SOX5: variants seen among roughly 807,000 people sequenced by gnomAD.
SOX5 encodes SRY-box transcription factor 5.
Under a neutral mutation model 92.0 loss-of-function variants are expected in SOX5, and 9 were observed. The ratio of observed to expected loss-of-function variants is 0.10; its 90% CI spans 0.06 to 0.17. The LOEUF (loss-of-function observed/expected upper bound fraction) is 0.17. Ranked by LOEUF, SOX5 falls within the 10% of genes least tolerant of loss-of-function variation. The pLI is 1.00. For missense variants in SOX5, 642 were observed against 944.5 expected, an observed-to-expected ratio of 0.68 and a Z score of 4.20; for synonymous variants, 344 against 336.3, an observed-to-expected ratio of 1.02 and a Z score of -0.25.
chr12:24,335,175 C>G (rs1951750989), intron 2 of SOX5, among the ~76,000 whole-genome samples: 1 of 152,136 alleles, frequency 6.6e-6, no homozygotes, highest in Non-Finnish European at 1.5e-5. Flanking sequence ...ACCAATTTCT[C>G]TTTCACCTCT....
At chr12:23,577,150 T>TAC (rs1197912028) in intron 9 of SOX5, among the ~76,000 whole-genome samples, 2,781 of 117,072 alleles carry the variant, frequency 0.024, 51 homozygotes, top group Non-Finnish European at 0.028. Context: ...TATATATATA[T>TAC]ACACACACAC....
At chr12:24,068,412 T>A (rs1941146241) in intron 4 of SOX5, among the ~76,000 whole-genome samples, 1 of 151,978 alleles carries the variant, frequency 6.6e-6, no homozygotes, top group Admixed American at 6.6e-5. Context: ...AAAAAAAGAA[T>A]TTTAGGAAAG....
Position 23,563,378 on chromosome 12 carries a change from G to A in SOX5, c.1368C>T (p.Val456=), listed in dbSNP as rs1420491393. 1 of 1,614,000 alleles carries A rather than the reference G, an allele frequency of 6.2e-7. No homozygotes were observed. The highest frequency in any genetic ancestry group is 1.3e-5 in the African/African-American group (1 of 75,036). Residue 456 remains valine, a synonymous_variant, in exon 11 of 15, where the codon GTC becomes GTT. Coordinates refer to ENST00000451604, the MANE Select transcript of SOX5 (RefSeq NM_006940.6). ...GCCGAGCTTCTTGGATTGCCTTGGT[G>A]ACAGCATCATGGTCATTTAAGTAAC... is the stretch of plus-strand genomic sequence containing the variant. ...TIGYLNDHDA[V]TKAIQEARQM...
chr12:24,518,337 G>T (rs1461932347), intron 1 of SOX5, among the ~76,000 whole-genome samples: 1 of 151,994 alleles, frequency 6.6e-6, no homozygotes, highest in Non-Finnish European at 1.5e-5. Context: ...CCAAAGTGCT[G>T]GGACTACACG....
At chr12:23,559,856 A>C (rs754792145) in intron 11 of SOX5, among the ~76,000 whole-genome samples, 1 of 151,542 alleles carries the variant, frequency 6.6e-6, no homozygotes, top group Non-Finnish European at 1.5e-5. Flanking sequence ...TTTCTGCTTT[A>C]TCTCTCTCAC....
In SOX5 at chr12:24,245,235, T is replaced by TTGTGTGTGTG. The variant is rs58384963; in HGVS notation, c.-76-31828_-76-31819dup. On this transcript the variant is annotated intron_variant, in intron 3 of 4. Coordinates refer to the SOX5 transcript ENST00000446891. Reference sequence around the variant, plus strand: ...GAGCATCATTTGTGTTTGGAGAGATTTGTGTGTGTGTGTGTGTGTGTGTGT... The same window carrying TTGTGTGTGTG: ...GAGCATCATTTGTGTTTGGAGAGATTTGTGTGTGTGTGTGTGTGTGTGTGTGTGTGTGTGT... Among the ~76,000 whole-genome samples, 277 of 144,362 alleles carry TTGTGTGTGTG rather than the reference T, an allele frequency of 1.9e-3. 1 individual carries two copies. Among genetic ancestry groups the TTGTGTGTGTG allele is most frequent in the African/African-American group, 5.8e-3 (224 of 38,296 alleles). 94.7% of individuals were successfully genotyped at this position (144,362 alleles called of 152,430 possible). A position where few individuals can be genotyped will look rare whatever the true frequency, so the allele number is the denominator to read the frequency against.
chr12:24,296,971 G>T (rs1366942522), intron 2 of SOX5, among the ~76,000 whole-genome samples: 1 of 150,820 alleles, frequency 6.6e-6, no homozygotes, highest in Non-Finnish European at 1.5e-5. Flanking sequence ...AAACACAGAG[G>T]GTCCTGTAGC....
intron 4 of SOX5, among the ~76,000 whole-genome samples, chr12:24,050,844 C>A (rs10842266): frequency 0.29 from 43,143 of 151,330 alleles, 6,639 homozygotes; most frequent in Non-Finnish European, 0.36. Context: ...TCTTCTTCTT[C>A]TTATTATTAT....
intron 3 of SOX5, chr12:24,223,414 A>G (rs1042402463): frequency 6.6e-6 from 1 of 152,200 alleles, no homozygotes; most frequent in Non-Finnish European, 1.5e-5. Flanking sequence ...AAGATTTCTT[A>G]TTAATATTCC....
intron 2 of SOX5, among the ~76,000 whole-genome samples, chr12:24,285,854 CAT>C (rs1945805826): frequency 6.6e-6 from 1 of 152,112 alleles, no homozygotes; most frequent in Non-Finnish European, 1.5e-5. Flanking sequence ...GTGAAACAGA[CAT>C]GTGCTTAATA....
At chr12:23,548,953 T>C (rs1358347238) in intron 11 of SOX5, among the ~76,000 whole-genome samples, 8 of 152,030 alleles carry the variant, frequency 5.3e-5, no homozygotes, top group Admixed American at 5.3e-4. Context: ...GCTGACACAC[T>C]AGAAAAATCT....
Position 24,362,148 on chromosome 12 carries a change from A to T in SOX5, c.-174+6415T>A, listed in dbSNP as rs115538826. On this transcript the variant is annotated intron_variant, in intron 2 of 4. Coordinates refer to the SOX5 transcript ENST00000446891. ...TGTTTTGACTACAGTGCCTACAAATATAGAGATATGTGCATATGTATATTC... is the reference window on the plus strand; with the variant it reads ...TGTTTTGACTACAGTGCCTACAAATTTAGAGATATGTGCATATGTATATTC... 5.6e-3 allele frequency among the ~76,000 whole-genome samples: 849 copies of T among 152,314 alleles called. 7 individuals are homozygous for T. The highest frequency in any genetic ancestry group is 0.019 in the African/African-American group (806 of 41,568).
At chr12:23,762,814 T>C (rs960106210) in intron 3 of SOX5, among the ~76,000 whole-genome samples, 3 of 152,172 alleles carry the variant, frequency 2.0e-5, no homozygotes, top group East Asian at 1.9e-4. Context: ...ATAATCAATA[T>C]GGTATCATTA....
chr12:23,812,202 G>A (rs569011508), intron 3 of SOX5, among the ~76,000 whole-genome samples: 6 of 152,082 alleles, frequency 3.9e-5, no homozygotes, highest in African/African-American at 1.4e-4. Flanking sequence ...CTGGCACCCA[G>A]TAAATGAAGC....
intron 1 of SOX5, among the ~76,000 whole-genome samples, chr12:24,398,087 C>T (rs943130852): frequency 2.0e-5 from 3 of 152,036 alleles, no homozygotes; most frequent in Non-Finnish European, 4.4e-5. Flanking sequence ...CCTGACCTCA[C>T]GATCCGCCCA....
chr12:24,488,394 C>A (rs1946731274), intron 1 of SOX5, among the ~76,000 whole-genome samples: 1 of 152,082 alleles, frequency 6.6e-6, no homozygotes, highest in Non-Finnish European at 1.5e-5. Flanking sequence ...TCAAGATCAG[C>A]CTGGGCAACA....
intron 6 of SOX5, among the ~76,000 whole-genome samples, chr12:23,720,498 A>G (rs1031860950): frequency 1.3e-5 from 2 of 152,196 alleles, no homozygotes; most frequent in Admixed American, 6.5e-5. Flanking sequence ...CTTTTATACT[A>G]GAACATTATT....
intron 1 of SOX5, among the ~76,000 whole-genome samples, chr12:24,540,981 T>A (rs1037681683): frequency 1.3e-5 from 2 of 152,212 alleles, no homozygotes; most frequent in African/African-American, 4.8e-5. Context: ...CATAACCCTT[T>A]TAATCTTTCA....
intron 2 of SOX5, among the ~76,000 whole-genome samples, chr12:24,348,346 T>C (rs1953599754): frequency 6.6e-6 from 1 of 151,302 alleles, no homozygotes; most frequent in Non-Finnish European, 1.5e-5. Context: ...TGCCTCTATG[T>C]TGCAGCTCTA....
Sources: allele counts gnomAD v4.1 joint callset (sites outside exome capture counted in the v4.1 genomes callset), GRCh38; gene constraint gnomAD v4.1.1; transcripts MANE v1.5; gene names NCBI Gene and HGNC (gene_info 2026-07-23, HGNC 2026-07-21).